The following NOX4 variants were observed in gnomAD, a reference collection of about 807,000 sequenced individuals.
The protein encoded by NOX4 is NADPH oxidase 4.
NOX4 carries 69 observed loss-of-function variants against 87.6 expected under a neutral mutation model. That is an observed-to-expected ratio of 0.79 (90% CI 0.65 to 0.96). NOX4 has a LOEUF of 0.96. Ranked by LOEUF, NOX4 falls within the 40% of genes least tolerant of loss-of-function variation. The probability of loss-of-function intolerance (pLI) is 0.00; values close to 1 mark genes in which losing one functional copy is unlikely to be tolerated. For missense variants in NOX4, 680 were observed against 681.5 expected (o/e 1.00, Z 0.02); for synonymous variants, 275 against 238.2 (o/e 1.15, Z -1.42).
intron 11 of NOX4, among the ~76,000 whole-genome samples, chr11:89,392,169 T>C (rs1253174170): frequency 4.6e-5 from 7 of 152,124 alleles, no homozygotes; most frequent in Non-Finnish European, 1.0e-4. Flanking sequence ...TTTTTTTTCT[T>C]AAATGAAAAA....
At chr11:89,399,539 A>G (rs567129294) in intron 11 of NOX4, among the ~76,000 whole-genome samples, 52 of 147,070 alleles carry the variant, frequency 3.5e-4, no homozygotes, top group African/African-American at 5.0e-4. Context: ...TCAAGGCTCA[A>G]TGAAACTTCA....
At chr11:89,338,778 T>A (rs1404882051) in intron 15 of NOX4, among the ~76,000 whole-genome samples, 1 of 152,166 alleles carries the variant, frequency 6.6e-6, no homozygotes, top group Non-Finnish European at 1.5e-5. Context: ...GTCTGCTCAT[T>A]CACTTCAGTC....
intron 12 of NOX4, among the ~76,000 whole-genome samples, chr11:89,362,096 C>T (rs1476226246): frequency 2.6e-5 from 4 of 151,948 alleles, no homozygotes; most frequent in Non-Finnish European, 4.4e-5. Context: ...ATTCTTCCTT[C>T]CCCCAAACCC....
chr11:89,566,111 C>T, the NOX4 span, among the ~76,000 whole-genome samples: 2 of 149,010 alleles, frequency 1.3e-5, no homozygotes, highest in South Asian at 2.1e-4. Flanking sequence ...GGTGCAATCT[C>T]GGCTCACTGC....
the NOX4 span, among the ~76,000 whole-genome samples, chr11:89,544,057 G>A: frequency 6.6e-6 from 1 of 151,918 alleles, no homozygotes; most frequent in African/African-American, 2.4e-5. Flanking sequence ...AGTAATAGAA[G>A]CCATTTTTCT....
chr11:89,513,044 G>A, the NOX4 span, among the ~76,000 whole-genome samples: 1 of 152,052 alleles, frequency 6.6e-6, no homozygotes, highest in East Asian at 1.9e-4. Context: ...CATTCGGCTG[G>A]GTGCAGTGGC....
chr11:89,534,988 C>A, the NOX4 span, among the ~76,000 whole-genome samples: 2 of 152,258 alleles, frequency 1.3e-5, no homozygotes, highest in East Asian at 3.9e-4. Context: ...GAATTTGAAG[C>A]TTAATTTCAT....
the NOX4 span, among the ~76,000 whole-genome samples, chr11:89,557,787 G>A: frequency 6.6e-6 from 1 of 152,106 alleles, no homozygotes; most frequent in Non-Finnish European, 1.5e-5. Context: ...ATGGGGTAGA[G>A]CAATGAGAAC....
At chr11:89,487,180 C>T (rs763843325) in intron 2 of NOX4, among the ~76,000 whole-genome samples, 2 of 152,144 alleles carry the variant, frequency 1.3e-5, no homozygotes, top group South Asian at 2.1e-4. Flanking sequence ...CTAGCTCTGA[C>T]ACTGACCATT....
intron 13 of NOX4, among the ~76,000 whole-genome samples, chr11:89,352,478 G>A (rs1946502631): frequency 6.6e-6 from 1 of 152,108 alleles, no homozygotes; most frequent in Non-Finnish European, 1.5e-5. Context: ...GATGCTTCTG[G>A]TAGATCTGGG....
Position 89,437,741 on chromosome 11 carries a change from T to C in NOX4, c.475+2947A>G, listed in dbSNP as rs1944152133. ...ACCTACAAGTGGAAAAGACAGTACA[T>C]GTAAGGAAATAAACTATTCTACAAC... On this transcript the variant is annotated intron_variant, in intron 6 of 17. Coordinates refer to ENST00000263317, the MANE Select transcript of NOX4 (RefSeq NM_016931.5). 1.3e-5 allele frequency among the ~76,000 whole-genome samples: 2 copies of C among 152,078 alleles called. 1 individual carries two copies. The highest frequency in any genetic ancestry group is 4.1e-4 in the South Asian group (2 of 4,826).
the NOX4 span, among the ~76,000 whole-genome samples, chr11:89,532,162 G>T: frequency 6.6e-6 from 1 of 152,238 alleles, no homozygotes; most frequent in South Asian, 2.1e-4. Flanking sequence ...GCCTAGTGGA[G>T]CTGTGAAAAG....
chr11:89,488,863 C>A, intron 2 of NOX4: 2 of 614,822 alleles, frequency 3.3e-6, no homozygotes, highest in Admixed American at 2.8e-5. Context: ...TTAGAAGAAA[C>A]CTTTTCTTGT....
intron 8 of NOX4, among the ~76,000 whole-genome samples, chr11:89,414,017 T>G (rs1942627575): frequency 6.6e-6 from 1 of 152,074 alleles, no homozygotes; most frequent in Non-Finnish European, 1.5e-5. Context: ...GTGTCAATTT[T>G]ATGTATGATA....
intron 1 of NOX4, among the ~76,000 whole-genome samples, chr11:89,497,646 T>C (rs902428837): frequency 6.6e-6 from 1 of 152,180 alleles, no homozygotes. Context: ...TATACATTTA[T>C]TGATGAGCTT....
the NOX4 span, among the ~76,000 whole-genome samples, chr11:89,549,266 T>C: frequency 6.6e-6 from 1 of 152,220 alleles, no homozygotes; most frequent in African/African-American, 2.4e-5. Flanking sequence ...TAATTTTCTA[T>C]AAGCTAATTA....
intron 7 of NOX4, among the ~76,000 whole-genome samples, chr11:89,422,207 T>C (rs1245790573): frequency 6.6e-6 from 1 of 152,142 alleles, no homozygotes; most frequent in Non-Finnish European, 1.5e-5. Context: ...GTATTTCAAA[T>C]AAAGACACAT....
chr11:89,340,645 G>T (rs1307850930), intron 14 of NOX4, among the ~76,000 whole-genome samples: 2 of 152,056 alleles, frequency 1.3e-5, no homozygotes, highest in Non-Finnish European at 2.9e-5. Context: ...CCAGAAACTT[G>T]GTTGTTTATC....
the NOX4 span, among the ~76,000 whole-genome samples, chr11:89,549,558 G>C: frequency 6.6e-6 from 1 of 152,102 alleles, no homozygotes; most frequent in African/African-American, 2.4e-5. Context: ...TGTTACATAG[G>C]TATACATGTG....
Sources: gnomAD v4.1 joint callset for allele counts (sites outside exome capture counted in the v4.1 genomes callset) on GRCh38, gnomAD v4.1.1 for gene constraint, MANE v1.5 for transcripts, NCBI Gene and HGNC (gene_info 2026-07-23, HGNC 2026-07-21) for gene names.